Variants in LRP2BP observed in about 807,000 individuals in gnomAD.
LRP2BP encodes the protein LRP2-binding protein.
Under a neutral mutation model 45.2 loss-of-function variants are expected in LRP2BP, and 38 were observed. That is an observed-to-expected ratio of 0.84 (90% CI 0.65 to 1.10). The LOEUF (loss-of-function observed/expected upper bound fraction) is 1.10, where lower values mean the gene tolerates loss of function less well. Ranked by LOEUF, LRP2BP falls within the 50% of genes least tolerant of loss-of-function variation. LRP2BP has a pLI of 0.00. For missense variants in LRP2BP, 385 were observed against 418.9 expected (o/e 0.92, Z 0.71); for synonymous variants, 153 against 153.9 (o/e 0.99, Z 0.04).
chr4:185,371,310 C>A lies in LRP2BP; in HGVS notation c.804-496G>T, dbSNP rs527797476. ...ATCCCAGCACTTTGGGAGGCCAAGG[C>A]AGGCGGATCACGAGGTTAGGAGATT... On this transcript the variant is annotated intron_variant, in intron 7 of 8. Coordinates refer to ENST00000505916, the MANE Select transcript of LRP2BP (RefSeq NM_001377440.1). Among the ~76,000 whole-genome samples, 11 of 152,148 alleles carry A rather than the reference C, an allele frequency of 7.2e-5. 2 individuals carry two copies. Among genetic ancestry groups the A allele is most frequent in the Admixed American group, 5.9e-4 (9 of 15,284 alleles).
intron 7 of LRP2BP, among the ~76,000 whole-genome samples, chr4:185,371,424 C>T (rs2095414971): frequency 6.6e-6 from 1 of 151,690 alleles, no homozygotes; most frequent in African/African-American, 2.4e-5. Flanking sequence ...TGCCTGTAGT[C>T]CCAGCTACTC....
At chr4:185,371,460 T>C (rs895811730) in intron 7 of LRP2BP, among the ~76,000 whole-genome samples, 2 of 144,700 alleles carry the variant, frequency 1.4e-5, no homozygotes, top group African/African-American at 2.6e-5. Context: ...GAGAATGGCG[T>C]GAACCCGGAA....
chr4:185,388,652 C>G (rs2095479141), intron 1 of LRP2BP, among the ~76,000 whole-genome samples: 2 of 152,120 alleles, frequency 1.3e-5, no homozygotes, highest in South Asian at 4.1e-4. Context: ...ATAAATTATA[C>G]AGAAAAATAA....
At chr4:185,391,641 C>G (rs1194314260) in intron 1 of LRP2BP, among the ~76,000 whole-genome samples, 1 of 152,142 alleles carries the variant, frequency 6.6e-6, no homozygotes, top group Admixed American at 6.5e-5. Flanking sequence ...TCCTGGGTCC[C>G]TTTCACATGT....
At position 185,365,982 on chromosome 4, in the gene LRP2BP, C is replaced by T. The variant is rs1279827407; in HGVS notation, c.*1198G>A. 6.6e-6 allele frequency: 1 copy of T among 152,130 alleles called. No individual in the cohort carries two copies. The highest frequency in any genetic ancestry group is 2.4e-5 in the African/African-American group (1 of 41,444). The allele number at this position is 152,130 out of a possible 1,614,324, so 9.4% of individuals were successfully genotyped here. On this transcript the variant is annotated 3_prime_UTR_variant, in exon 9 of 9. Coordinates refer to ENST00000505916, the MANE Select transcript of LRP2BP (RefSeq NM_001377440.1). ...CAACAGTTCTTAGTGACTATCACCT[C>T]CATATTAATTGCATTTTCCCATTAC...
intron 1 of LRP2BP, 64 bp from the exon 2 acceptor site, chr4:185,378,271 C>T (rs1238521651): frequency 1.9e-6 from 3 of 1,573,864 alleles, no homozygotes; most frequent in Admixed American, 3.9e-5. Context: ...CAAAGAGAGA[C>T]TCTATTCCCA....
intron 7 of LRP2BP, among the ~76,000 whole-genome samples, chr4:185,372,120 T>A (rs1263607342): frequency 6.6e-6 from 1 of 152,226 alleles, no homozygotes; most frequent in Non-Finnish European, 1.5e-5. Flanking sequence ...GTTACAGTTG[T>A]TATGAAGCTG....
intron 7 of LRP2BP, among the ~76,000 whole-genome samples, chr4:185,371,474 A>G (rs556359092): frequency 0.017 from 2,572 of 149,944 alleles, 65 homozygotes; most frequent in African/African-American, 0.06. Context: ...CCCGGAAGGC[A>G]GAGCTTGCAG....
intron 1 of LRP2BP, among the ~76,000 whole-genome samples, chr4:185,385,401 A>G (rs150257458): frequency 1.6e-4 from 25 of 152,356 alleles, no homozygotes; most frequent in African/African-American, 5.5e-4. Flanking sequence ...GACATAAATC[A>G]TAAAAAGAAT....
In LRP2BP at chr4:185,395,393, T is replaced by C. The variant is rs2095499191; in HGVS notation, c.-636A>G. ...TTAGGAATTCCTGAAAATGAACTTC[T>C]GTGCAAACCTGAAGCTTCAACACGT... is the stretch of plus-strand genomic sequence containing the variant. On this transcript the variant is annotated 5_prime_UTR_variant, in exon 1 of 9. Transcript: ENST00000505916. The C allele has an allele frequency of 1.0e-6, 1 of 985,342 alleles. No homozygotes were observed. The highest frequency in any genetic ancestry group is 6.1e-5 in the Admixed American group (1 of 16,274). 61.0% of individuals were successfully genotyped at this position (985,342 alleles called of 1,614,324 possible).
chr4:185,369,914 A>T (rs1337343475), intron 8 of LRP2BP: 1 of 291,764 alleles, frequency 3.4e-6, no homozygotes, highest in Non-Finnish European at 6.8e-6. Context: ...GACTCAGAAG[A>T]CTCCCCCACT....
chr4:185,371,903 G>A (rs555502105), intron 7 of LRP2BP, among the ~76,000 whole-genome samples: 12 of 152,224 alleles, frequency 7.9e-5, no homozygotes, highest in Non-Finnish European at 1.2e-4. Flanking sequence ...ACCTGGCGCT[G>A]TGGGAAGGGT....
At position 185,395,351 on chromosome 4, in the gene LRP2BP, C is replaced by T. The variant is rs905797046; in HGVS notation, c.-594G>A. 2.5e-5 allele frequency: 25 copies of T among 985,408 alleles called. No individual in the cohort carries two copies. In the African/African-American group the frequency reaches 3.8e-4, roughly 15 times the overall value. The allele number at this position is 985,408 out of a possible 1,614,324, so 61.0% of individuals were successfully genotyped here. ...TATGTTCAAAACTGTAAGAACGTGTCTGATACCCTTTATTAGTTAGGAATT... is the reference window on the plus strand; with the variant it reads ...TATGTTCAAAACTGTAAGAACGTGTTTGATACCCTTTATTAGTTAGGAATT... On this transcript the variant is annotated 5_prime_UTR_variant, in exon 1 of 9. Transcript: ENST00000505916.
intron 1 of LRP2BP, among the ~76,000 whole-genome samples, chr4:185,388,482 G>A (rs961932915): frequency 3.2e-4 from 4 of 12,686 alleles, no homozygotes; most frequent in African/African-American, 6.3e-4. Flanking sequence ...AACCTACCTA[G>A]CCTGCCTACC....
In LRP2BP at chr4:185,378,096, T is replaced by C. The variant is rs2095444167; in HGVS notation, c.91A>G (p.Lys31Glu). The change falls in exon 2 of 9, where the codon AAA (lysine) becomes GAA (glutamate). Residue 31 changes from lysine to glutamate, a missense_variant. Physicochemically the swap from Lys to Glu is moderately conservative, Grantham distance 56 (BLOSUM62 1). Transcript: ENST00000505916. The part of the protein sequence containing the change: ...AAKNQKFFQW[K>E]KEKTDYTHAN... ...GGATTTGTACCAGTCTTTTCCTTTTTCCACTGGAAAAATTTTTGGTTTTTA... is the reference window on the plus strand; with the variant it reads ...GGATTTGTACCAGTCTTTTCCTTTTCCCACTGGAAAAATTTTTGGTTTTTA... 6.2e-7 allele frequency: 1 copy of C among 1,613,658 alleles called. No individual in the cohort carries two copies. The highest frequency in any genetic ancestry group is 8.5e-7 in the Non-Finnish European group (1 of 1,179,782).
intron 2 of LRP2BP, 197 bp from the exon 3 acceptor site, chr4:185,377,215 C>T: frequency 3.6e-6 from 2 of 552,772 alleles, no homozygotes; most frequent in African/African-American, 1.9e-5. Context: ...AACACTGTGC[C>T]TTGTGTAATA....
At chr4:185,384,203 C>G (rs947502476) in intron 1 of LRP2BP, among the ~76,000 whole-genome samples, 2 of 152,142 alleles carry the variant, frequency 1.3e-5, no homozygotes, top group African/African-American at 4.8e-5. Flanking sequence ...AGAGCTCACT[C>G]TTTTGCCATT....
intron 7 of LRP2BP, 148 bp from the exon 8 acceptor site, chr4:185,370,962 C>CA (rs757807790): frequency 4.7e-4 from 346 of 736,114 alleles, no homozygotes; most frequent in Non-Finnish European, 6.7e-4. Context: ...GGGAAGGGTC[C>CA]ATGTAGGCAC....
At chr4:185,375,506 A>ATATATATATG (rs1398298445) in intron 4 of LRP2BP, 107 bp downstream of exon 4, 1 of 86,454 alleles carries the variant, frequency 1.2e-5, no homozygotes, top group Non-Finnish European at 2.0e-5. Context: ...ATATATATAT[A>ATATATATATG]TATATATATG....
Sources: gnomAD v4.1 joint callset for allele counts (sites outside exome capture counted in the v4.1 genomes callset) on GRCh38, gnomAD v4.1.1 for gene constraint, MANE v1.5 for transcripts, NCBI Gene and HGNC (gene_info 2026-07-23, HGNC 2026-07-21) for gene names.